DGKI: variants seen among roughly 807,000 people sequenced by gnomAD.
DGKI encodes the protein diacylglycerol kinase iota, also known as DAG kinase iota.
DGKI carries 55 observed loss-of-function variants against 147.5 expected under a neutral mutation model. The observed-to-expected ratio is 0.37, with a 90% CI of 0.30 to 0.47. DGKI has a LOEUF of 0.47. DGKI is among the 20% of genes least tolerant of loss of function. The probability of loss-of-function intolerance (pLI) is 1.00; values close to 1 mark genes in which losing one functional copy is unlikely to be tolerated. For missense variants in DGKI, 1,007 were observed against 1,323.8 expected (o/e 0.76, Z 3.71); for synonymous variants, 469 against 477.1 (o/e 0.98, Z 0.22).
intron 1 of DGKI, among the ~76,000 whole-genome samples, chr7:137,768,667 T>C (rs952935418): frequency 1.3e-5 from 2 of 152,118 alleles, no homozygotes; most frequent in African/African-American, 4.8e-5. Flanking sequence ...TTACATAAGG[T>C]GCCCTGAATC....
chr7:137,657,142 A>G (rs937457641), intron 3 of DGKI, among the ~76,000 whole-genome samples: 1 of 152,242 alleles, frequency 6.6e-6, no homozygotes, highest in Non-Finnish European at 1.5e-5. Context: ...CAATAATAAG[A>G]ATAGCAACAA....
intron 20 of DGKI, among the ~76,000 whole-genome samples, chr7:137,538,749 C>T (rs915099797): frequency 1.8e-4 from 27 of 152,152 alleles, no homozygotes; most frequent in Admixed American, 3.3e-4. Context: ...ATTTCTTCCC[C>T]ACTGCATGCG....
intron 1 of DGKI, among the ~76,000 whole-genome samples, chr7:137,727,916 T>C (rs1794758586): frequency 6.6e-6 from 1 of 152,058 alleles, no homozygotes; most frequent in African/African-American, 2.4e-5. Flanking sequence ...GGAGCAGAAT[T>C]AAAAACAAAG....
chr7:137,461,658 T>G lies in DGKI; in HGVS notation c.2735+1831A>C, dbSNP rs532087353. Among the ~76,000 whole-genome samples, 14 of 152,340 alleles carry G rather than the reference T, an allele frequency of 9.2e-5. No homozygotes were observed. The South Asian group carries it at 2.9e-3, about 32-fold the overall frequency. ...GAGCCTAGTAGAGATGACTTGCCTT[T>G]GTTCCACAATGTCTGGAGATCCAGC... On this transcript the variant is annotated intron_variant, in intron 27 of 32. Coordinates refer to ENST00000614521, the MANE Select transcript of DGKI (RefSeq NM_001321708.2).
intron 28 of DGKI, among the ~76,000 whole-genome samples, chr7:137,442,647 T>C (rs1312972693): frequency 1.3e-5 from 2 of 152,220 alleles, no homozygotes; most frequent in East Asian, 3.8e-4. Flanking sequence ...CCTGACTTAA[T>C]GGGCCTGAAC....
chr7:137,410,180 C>T (rs770512815), intron 29 of DGKI, among the ~76,000 whole-genome samples: 2 of 152,090 alleles, frequency 1.3e-5, no homozygotes, highest in Non-Finnish European at 2.9e-5. Context: ...CCAAGGCAAG[C>T]GGATCACAAG....
intron 20 of DGKI, among the ~76,000 whole-genome samples, chr7:137,534,116 C>T (rs1817436890): frequency 6.6e-6 from 1 of 152,062 alleles, no homozygotes. Context: ...CACTTCATTA[C>T]CACTTCAGCA....
At chr7:137,445,691 A>T (rs1035586077) in intron 27 of DGKI, among the ~76,000 whole-genome samples, 1 of 152,184 alleles carries the variant, frequency 6.6e-6, no homozygotes, top group Non-Finnish European at 1.5e-5. Flanking sequence ...CCAAAAAGTC[A>T]TCATGTTACT....
At chr7:137,610,409 T>C (rs1820325051) in intron 8 of DGKI, among the ~76,000 whole-genome samples, 1 of 152,246 alleles carries the variant, frequency 6.6e-6, no homozygotes, top group South Asian at 2.1e-4. Context: ...TTGTGATTAC[T>C]TCAACTAACC....
At chr7:137,608,486 A>G (rs142780284) in intron 10 of DGKI, among the ~76,000 whole-genome samples, 125 of 152,270 alleles carry the variant, frequency 8.2e-4, no homozygotes, top group African/African-American at 2.8e-3. Flanking sequence ...TAAGAAGTTG[A>G]TATTTTCTAT....
chr7:137,548,729 A>G (rs1356147914), intron 20 of DGKI, among the ~76,000 whole-genome samples: 1 of 152,146 alleles, frequency 6.6e-6, no homozygotes, highest in East Asian at 1.9e-4. Flanking sequence ...GCACTTTGGG[A>G]GGCTGAGGCG....
intron 12 of DGKI, among the ~76,000 whole-genome samples, chr7:137,589,201 G>A (rs1363518812): frequency 3.9e-5 from 6 of 152,188 alleles, no homozygotes; most frequent in African/African-American, 1.2e-4. Flanking sequence ...ATTTTCTCAA[G>A]ACCAAATGAT....
intron 3 of DGKI, among the ~76,000 whole-genome samples, chr7:137,670,990 T>C (rs1822826108): frequency 6.6e-6 from 1 of 152,166 alleles, no homozygotes; most frequent in South Asian, 2.1e-4. Context: ...CGGGCTCTGA[T>C]TGCCTCATCT....
At chr7:137,740,580 A>G (rs1795147403) in intron 1 of DGKI, among the ~76,000 whole-genome samples, 1 of 152,210 alleles carries the variant, frequency 6.6e-6, no homozygotes, top group South Asian at 2.1e-4. Flanking sequence ...GAGACTAGAA[A>G]TTAGCCAGAC....
intron 1 of DGKI, among the ~76,000 whole-genome samples, chr7:137,827,679 TG>T (rs2117057423): frequency 6.6e-6 from 1 of 152,354 alleles, no homozygotes; most frequent in Admixed American, 6.5e-5. Flanking sequence ...TTGTTCAAGC[TG>T]CTGATGTCTA....
Position 137,550,249 on chromosome 7 carries a change from T to C in DGKI, c.2147+2120A>G, listed in dbSNP as rs1040325755. Among the ~76,000 whole-genome samples the C allele has an allele frequency of 2.0e-5, 3 of 150,146 alleles. No individual in the cohort carries two copies. The Admixed American group carries it at 2.0e-4, about 10-fold the overall frequency. ...GGTGTGATCTCGGCTCCATGAAACT[T>C]CTGCCTTGTGGTCCTAGAGATTCTT... On this transcript the variant is annotated intron_variant, in intron 20 of 32. Coordinates refer to ENST00000614521, the MANE Select transcript of DGKI (RefSeq NM_001321708.2).
At chr7:137,642,268 G>C in intron 6 of DGKI, among the ~76,000 whole-genome samples, 1 of 152,158 alleles carries the variant, frequency 6.6e-6, no homozygotes, top group Non-Finnish European at 1.5e-5. Context: ...GATATGTGGA[G>C]CTGGGTATCT....
chr7:137,707,213 G>A (rs762084579), intron 1 of DGKI, among the ~76,000 whole-genome samples: 64 of 152,152 alleles, frequency 4.2e-4, no homozygotes, highest in Non-Finnish European at 7.2e-4. Context: ...TCTGCTTATC[G>A]TAAGTACCTC....
intron 1 of DGKI, among the ~76,000 whole-genome samples, chr7:137,797,912 C>T (rs1797082822): frequency 6.6e-6 from 1 of 151,798 alleles, no homozygotes; most frequent in African/African-American, 2.4e-5. Flanking sequence ...AGAAAATCAG[C>T]AAAATCAAAA....
Sources: allele counts gnomAD v4.1 joint callset (sites outside exome capture counted in the v4.1 genomes callset), GRCh38; gene constraint gnomAD v4.1.1; transcripts MANE v1.5; gene names NCBI Gene and HGNC (gene_info 2026-07-23, HGNC 2026-07-21).